TMEM232: variants seen among roughly 807,000 people sequenced by gnomAD.
TMEM232 encodes transmembrane protein 232.
TMEM232 carries 80 observed loss-of-function variants against 78.8 expected under a neutral mutation model. That is an observed-to-expected ratio of 1.01 (90% CI 0.85 to 1.22). The LOEUF is 1.22. Among genes scored for constraint, TMEM232 ranks in the 50% most tolerant of loss-of-function variants. The pLI, the probability that TMEM232 is intolerant of heterozygous loss-of-function variation, is 0.00. For synonymous variants in TMEM232, 297 were observed against 254.3 expected (o/e 1.17, Z -1.60); for missense variants, 881 against 742.2 (o/e 1.19, Z -2.17).
At chr5:110,696,329 A>G (rs1471135494) in intron 1 of TMEM232, among the ~76,000 whole-genome samples, 1 of 152,186 alleles carries the variant, frequency 6.6e-6, no homozygotes, top group Non-Finnish European at 1.5e-5. Context: ...ATCTATGACA[A>G]ACCCACAGCC....
At chr5:110,662,422 ATGT>A (rs1257707828) in intron 2 of TMEM232, among the ~76,000 whole-genome samples, 2 of 152,188 alleles carry the variant, frequency 1.3e-5, no homozygotes, top group African/African-American at 2.4e-5. Context: ...TATGATAAAG[ATGT>A]TGTTTCTCCA....
chr5:110,683,387 C>T (rs960738539), intron 1 of TMEM232, among the ~76,000 whole-genome samples: 1 of 151,752 alleles, frequency 6.6e-6, no homozygotes, highest in African/African-American at 2.4e-5. Flanking sequence ...GAGATACACA[C>T]ACACACATAT....
intron 3 of TMEM232, among the ~76,000 whole-genome samples, chr5:110,394,253 T>G (rs1408430382): frequency 6.6e-6 from 1 of 152,214 alleles, no homozygotes. Context: ...TAACCTCCAA[T>G]TGCATCTATG....
chr5:110,439,847 T>G (rs1363762183), intron 12 of TMEM232, among the ~76,000 whole-genome samples: 1 of 152,140 alleles, frequency 6.6e-6, no homozygotes, highest in African/African-American at 2.4e-5. Context: ...TGATCTGCTG[T>G]CACCCTAGCA....
At chr5:110,665,620 C>T (rs1044798602) in intron 2 of TMEM232, among the ~76,000 whole-genome samples, 2 of 151,274 alleles carry the variant, frequency 1.3e-5, no homozygotes, top group African/African-American at 2.4e-5. Context: ...AAGGGGAAAT[C>T]CATCCCGGTT....
rs561724222 is a variant in TMEM232, at chr5:110,515,731, C to G, written c.1703+12857G>C. On this transcript the variant is annotated intron_variant, in intron 12 of 13. Transcript: ENST00000455884. ...TTACCTTTCCCATCTTTGCACCATT[C>G]AGTAAATGTTAGCTACTCCTGCTTC... Among the ~76,000 whole-genome samples, 37 of 152,274 alleles carry G rather than the reference C, an allele frequency of 2.4e-4. 1 individual carries two copies. The highest frequency in any genetic ancestry group is 8.9e-4 in the African/African-American group (37 of 41,564).
intron 10 of TMEM232, among the ~76,000 whole-genome samples, chr5:110,601,378 G>T (rs113619670): frequency 0.025 from 3,787 of 152,216 alleles, 158 homozygotes; most frequent in African/African-American, 0.087. Context: ...GTTTGCAGAT[G>T]ACATGATTGC....
At chr5:110,641,726 A>G (rs1001863172) in intron 3 of TMEM232, among the ~76,000 whole-genome samples, 1 of 152,204 alleles carries the variant, frequency 6.6e-6, no homozygotes, top group Non-Finnish European at 1.5e-5. Context: ...CAAAATATGT[A>G]TGTTATTTCT....
chr5:110,412,136 T>A (rs1419218216), intron 2 of TMEM232, among the ~76,000 whole-genome samples: 1 of 152,132 alleles, frequency 6.6e-6, no homozygotes, highest in African/African-American at 2.4e-5. Flanking sequence ...GATATTAGTG[T>A]ATAGTGAGAA....
At chr5:110,560,592 A>AT (rs1775623861) in intron 11 of TMEM232, among the ~76,000 whole-genome samples, 1 of 152,292 alleles carries the variant, frequency 6.6e-6, no homozygotes, top group East Asian at 1.9e-4. Flanking sequence ...TCTCCAAACA[A>AT]TTGATAAAAT....
At chr5:110,459,541 G>C (rs1418222955) in intron 12 of TMEM232, among the ~76,000 whole-genome samples, 5 of 152,082 alleles carry the variant, frequency 3.3e-5, no homozygotes. Context: ...TCTTTTAGGA[G>C]AATGCTAACT....
intron 12 of TMEM232, among the ~76,000 whole-genome samples, chr5:110,484,851 TAA>T (rs1267814772): frequency 6.6e-6 from 1 of 151,932 alleles, no homozygotes; most frequent in Non-Finnish European, 1.5e-5. Flanking sequence ...TTGACAGAAT[TAA>T]AAGAGTAACT....
intron 3 of TMEM232, 26 bp from the exon 4 acceptor site, chr5:110,641,022 C>G: frequency 7.1e-7 from 1 of 1,403,904 alleles, no homozygotes; most frequent in Non-Finnish European, 9.5e-7. Context: ...ATGAAAAAGA[C>G]AAATCAAAAT....
chr5:110,533,862 G>C (rs958151984), intron 11 of TMEM232, among the ~76,000 whole-genome samples: 1 of 152,170 alleles, frequency 6.6e-6, no homozygotes, highest in Non-Finnish European at 1.5e-5. Flanking sequence ...AGCAAAGGCA[G>C]GCTATGCTAT....
chr5:110,425,709 A>G (rs1176701757), intron 12 of TMEM232, among the ~76,000 whole-genome samples: 2 of 151,958 alleles, frequency 1.3e-5, no homozygotes, highest in African/African-American at 2.4e-5. Flanking sequence ...AATTACCTTC[A>G]TCTCCACCAT....
intron 1 of TMEM232, among the ~76,000 whole-genome samples, chr5:110,696,480 G>A (rs1015528124): frequency 1.3e-5 from 2 of 152,130 alleles, no homozygotes; most frequent in African/African-American, 4.8e-5. Context: ...AGGAAATAAA[G>A]GGCATTCAAT....
chr5:110,721,612 C>G (rs1381171850), intron 1 of TMEM232, among the ~76,000 whole-genome samples: 1 of 129,098 alleles, frequency 7.7e-6, no homozygotes, highest in East Asian at 2.3e-4. Flanking sequence ...ACAGAAATGA[C>G]TCATAAGCTA....
intron 2 of TMEM232, among the ~76,000 whole-genome samples, chr5:110,405,342 T>C (rs1408080134): frequency 1.3e-5 from 2 of 152,200 alleles, no homozygotes; most frequent in Admixed American, 6.6e-5. Flanking sequence ...TAAATTTTTA[T>C]AGTATTATTT....
At chr5:110,405,862 T>G (rs1248304456) in intron 2 of TMEM232, among the ~76,000 whole-genome samples, 1 of 151,712 alleles carries the variant, frequency 6.6e-6, no homozygotes, top group Non-Finnish European at 1.5e-5. Flanking sequence ...ATTTTAAACA[T>G]GACAACCAAA....
Sources: allele counts gnomAD v4.1 joint callset (sites outside exome capture counted in the v4.1 genomes callset), GRCh38; gene constraint gnomAD v4.1.1; transcripts MANE v1.5; gene names NCBI Gene and HGNC (gene_info 2026-07-23, HGNC 2026-07-21).